EGFR: variants seen among roughly 807,000 people sequenced by gnomAD.
EGFR encodes the protein epidermal growth factor receptor, also known as avian erythroblastic leukemia viral (v-erb-b) oncogene homolog.
A neutral mutation model predicts 143.0 loss-of-function variants in EGFR; 58 were observed. The ratio of observed to expected loss-of-function variants is 0.41; its 90% CI spans 0.33 to 0.50. The LOEUF (loss-of-function observed/expected upper bound fraction) is 0.50, where lower values mean the gene tolerates loss of function less well. Among genes scored for constraint, EGFR ranks in the 20% least tolerant of loss-of-function variants. EGFR has a pLI of 0.39. For synonymous variants in EGFR, 613 were observed against 594.4 expected, an observed-to-expected ratio of 1.03 and a Z score of -0.45; for missense variants, 1,307 against 1,579.0, an observed-to-expected ratio of 0.83 and a Z score of 2.92.
chr7:55,056,129 G>C (rs757865613), intron 1 of EGFR, among the ~76,000 whole-genome samples: 1 of 152,172 alleles, frequency 6.6e-6, no homozygotes, highest in African/African-American at 2.4e-5. Context: ...AAATCAGATA[G>C]GTGAGGGAAG....
At chr7:55,148,312 T>C (rs1206976817) in intron 4 of EGFR, among the ~76,000 whole-genome samples, 1 of 152,036 alleles carries the variant, frequency 6.6e-6, no homozygotes, top group Non-Finnish European at 1.5e-5. Context: ...ATGGGGCCAG[T>C]GTTTGCCATG....
chr7:55,181,033 G>A, intron 19 of EGFR: 1 of 579,214 alleles, frequency 1.7e-6, no homozygotes, highest in South Asian at 2.0e-5. Flanking sequence ...TGCTCCTCAT[G>A]GCCACTGTTG....
Position 55,180,064 on chromosome 7 carries a change from G to T in EGFR, c.2284-1229G>T, listed in dbSNP as rs140632627. The stretch of plus-strand genomic sequence containing the variant: ...GTCTCCTATCTCCACCCTGCCTCCC[G>T]CCAGCCTGTTGCTCCTGACCTGCCC... On this transcript the variant is annotated intron_variant, in intron 19 of 27. Transcript: ENST00000275493. 1.5e-3 allele frequency: 225 copies of T among 152,568 alleles called. 2 individuals carry two copies. Among genetic ancestry groups the T allele is most frequent in the Middle Eastern group, 3.4e-3 (1 of 294 alleles). 9.5% of individuals were successfully genotyped at this position (152,568 alleles called of 1,614,324 possible).
At chr7:55,144,134 G>T (rs77706197) in intron 3 of EGFR, among the ~76,000 whole-genome samples, 1,977 of 152,264 alleles carry the variant, frequency 0.013, 55 homozygotes, top group African/African-American at 0.045. Flanking sequence ...TTCATTTAAC[G>T]CCCACAACCT....
intron 1 of EGFR, among the ~76,000 whole-genome samples, chr7:55,086,015 A>T (rs11974185): frequency 0.19 from 29,063 of 151,342 alleles, 3,198 homozygotes; most frequent in African/African-American, 0.28. Flanking sequence ...GATTTGACAC[A>T]TAGTTTGAAA....
chr7:55,181,329 G>C lies in EGFR; in HGVS notation c.2320G>C (p.Val774Leu), dbSNP rs567477136. Residue 774 changes from valine to leucine, a missense_variant, in exon 20 of 28, where the codon GTG becomes CTG. Physicochemically the swap from Val to Leu is conservative, Grantham distance 32 (BLOSUM62 1). Coordinates refer to ENST00000275493, the MANE Select transcript of EGFR (RefSeq NM_005228.5). ...YVMASVDNPH[V>L]CRLLGICLTS... is the part of the protein sequence containing the mutation. ...GATGGCCAGCGTGGACAACCCCCAC[G>C]TGTGCCGCCTGCTGGGCATCTGCCT... The C allele has an allele frequency of 4.3e-6, 7 of 1,614,156 alleles. No individual in the cohort carries two copies. The African/African-American group carries it at 9.3e-5, about 22-fold the overall frequency.
chr7:55,190,552 A>G (rs1198046278), intron 20 of EGFR, among the ~76,000 whole-genome samples: 1 of 152,084 alleles, frequency 6.6e-6, no homozygotes, highest in East Asian at 1.9e-4. Flanking sequence ...TTGGGAATCC[A>G]TCCACATCTA....
chr7:55,129,093 T>C (rs1333565681), intron 1 of EGFR, among the ~76,000 whole-genome samples: 1 of 152,264 alleles, frequency 6.6e-6, no homozygotes, highest in African/African-American at 2.4e-5. Context: ...ACATGTTATC[T>C]CTTTAAAGGA....
intron 1 of EGFR, among the ~76,000 whole-genome samples, chr7:55,070,033 TG>T (rs1789729890): frequency 1.3e-5 from 2 of 152,256 alleles, no homozygotes; most frequent in African/African-American, 4.8e-5. Context: ...AAAGTTGCAT[TG>T]TTTTTTGAAC....
chr7:55,053,632 C>G (rs2128875321), intron 1 of EGFR, among the ~76,000 whole-genome samples: 1 of 152,322 alleles, frequency 6.6e-6, no homozygotes, highest in Middle Eastern at 3.4e-3. Context: ...ACACTGTGGA[C>G]CAGGAGGACA....
intron 1 of EGFR, among the ~76,000 whole-genome samples, chr7:55,115,809 C>A (rs953089785): frequency 6.6e-6 from 1 of 152,192 alleles, no homozygotes; most frequent in African/African-American, 2.4e-5. Context: ...ACTGGATGTC[C>A]CTGGGATTGC....
chr7:55,207,785 A>C lies in EGFR; in HGVS notation c.*2168A>C, dbSNP rs1350047055. 1.3e-5 allele frequency: 2 copies of C among 152,290 alleles called. No homozygotes were observed. The highest frequency in any genetic ancestry group is 1.3e-4 in the Admixed American group (2 of 15,290). 9.4% of individuals were successfully genotyped at this position (152,290 alleles called of 1,614,324 possible). On this transcript the variant is annotated 3_prime_UTR_variant, in exon 28 of 28. Transcript: ENST00000275493. ...AAGTTCCCTAAAAGTTGCAGCCCCC[A>C]GGGGGATTTTGAGCTATCATCTCTG...
At chr7:55,059,681 A>G (rs950741260) in intron 1 of EGFR, among the ~76,000 whole-genome samples, 10 of 152,034 alleles carry the variant, frequency 6.6e-5, no homozygotes, top group Non-Finnish European at 2.9e-5. Context: ...GACTGAATGG[A>G]TTTATTCTTA....
chr7:55,103,422 C>G (rs150902519), intron 1 of EGFR, among the ~76,000 whole-genome samples: 8 of 152,342 alleles, frequency 5.3e-5, no homozygotes, highest in African/African-American at 1.9e-4. Context: ...AAATATATCT[C>G]CCTTCCTAAC....
intron 21 of EGFR, 131 bp downstream of exon 21, chr7:55,192,005 C>G (rs1377450785): frequency 7.2e-7 from 1 of 1,390,966 alleles, no homozygotes; most frequent in African/African-American, 1.4e-5. Flanking sequence ...CTCGCAGCAG[C>G]TGCTGCTGGC....
At chr7:55,062,046 A>G (rs1789214923) in intron 1 of EGFR, among the ~76,000 whole-genome samples, 1 of 152,198 alleles carries the variant, frequency 6.6e-6, no homozygotes, top group African/African-American at 2.4e-5. Context: ...CCTGGAGCAC[A>G]AACCAAAACT....
chr7:55,180,391 G>A (rs1786805205), intron 19 of EGFR: 1 of 152,218 alleles, frequency 6.6e-6, no homozygotes, highest in Non-Finnish European at 1.5e-5. Flanking sequence ...AGCTTCCTCA[G>A]CCCAAGAATA....
In EGFR at chr7:55,205,915, T is replaced by G; in HGVS notation, c.*298T>G. On this transcript the variant is annotated 3_prime_UTR_variant, in exon 28 of 28. Coordinates refer to ENST00000275493, the MANE Select transcript of EGFR (RefSeq NM_005228.5). ...GTATATTTGAAAAAAAAAAAAAGTA[T>G]ATGTGAGGATTTTTATTGATTGGGG... 2.2e-6 allele frequency: 1 copy of G among 461,724 alleles called. No individual in the cohort carries two copies. Among genetic ancestry groups the G allele is most frequent in the Admixed American group, 3.8e-5 (1 of 26,574 alleles). 28.6% of individuals were successfully genotyped at this position (461,724 alleles called of 1,614,324 possible). A position where few individuals can be genotyped will look rare whatever the true frequency, so the allele number is the denominator to read the frequency against.
At chr7:55,183,801 G>A (rs942293494) in intron 20 of EGFR, among the ~76,000 whole-genome samples, 3 of 152,168 alleles carry the variant, frequency 2.0e-5, no homozygotes, top group African/African-American at 7.2e-5. Flanking sequence ...GGTGAGCCCT[G>A]GCTATTCCCC....
Sources: gnomAD v4.1 joint callset for allele counts (sites outside exome capture counted in the v4.1 genomes callset) on GRCh38, gnomAD v4.1.1 for gene constraint, MANE v1.5 for transcripts, NCBI Gene and HGNC (gene_info 2026-07-23, HGNC 2026-07-21) for gene names.